Variants in NCALD observed in about 807,000 individuals in gnomAD.
NCALD encodes neurocalcin delta, also known as neurocalcin-delta.
In NCALD, 10 loss-of-function variants were observed where a neutral mutation model predicts 18.6. The ratio of observed to expected loss-of-function variants is 0.54; its 90% CI spans 0.33 to 0.91. The LOEUF (loss-of-function observed/expected upper bound fraction) is 0.91, where lower values mean the gene tolerates loss of function less well. NCALD is among the 40% of genes least tolerant of loss of function. The pLI, the probability that NCALD is intolerant of heterozygous loss-of-function variation, is 0.03. For missense variants in NCALD, 184 were observed against 247.6 expected, an observed-to-expected ratio of 0.74 and a Z score of 1.72; for synonymous variants, 88 against 87.4, an observed-to-expected ratio of 1.01 and a Z score of -0.04.
chr8:101,764,801 T>C (rs1811276400), intron 1 of NCALD, among the ~76,000 whole-genome samples: 1 of 152,208 alleles, frequency 6.6e-6, no homozygotes, highest in African/African-American at 2.4e-5. Context: ...AACATCTTTA[T>C]CTTTCATGCA....
chr8:101,933,257 G>C (rs1329446007), intron 2 of NCALD, among the ~76,000 whole-genome samples: 1 of 152,188 alleles, frequency 6.6e-6, no homozygotes, highest in Non-Finnish European at 1.5e-5. Flanking sequence ...TCTTGAGATG[G>C]AGAGATTATC....
intron 1 of NCALD, chr8:102,020,506 G>A (rs558607074): frequency 6.6e-6 from 1 of 152,148 alleles, no homozygotes; most frequent in Non-Finnish European, 1.5e-5. Flanking sequence ...TATAATATCT[G>A]CAGAATGCAA....
intron 4 of NCALD, among the ~76,000 whole-genome samples, chr8:101,855,647 A>G (rs148881874): frequency 1.3e-5 from 2 of 152,322 alleles, no homozygotes; most frequent in African/African-American, 4.8e-5. Context: ...ATCATCACAC[A>G]TCTTGACAGA....
At chr8:101,745,927 G>A (rs1186856464) in intron 1 of NCALD, 1 of 152,136 alleles carries the variant, frequency 6.6e-6, no homozygotes, top group Non-Finnish European at 1.5e-5. Context: ...TTGAATACAG[G>A]CACACCAGAC....
At chr8:101,759,567 G>C (rs1038907206) in intron 1 of NCALD, among the ~76,000 whole-genome samples, 1 of 152,186 alleles carries the variant, frequency 6.6e-6, no homozygotes, top group Non-Finnish European at 1.5e-5. Context: ...CCTGCCTGCT[G>C]TCAGGGCTAG....
chr8:101,973,438 G>T (rs1026413508), intron 2 of NCALD, among the ~76,000 whole-genome samples: 2 of 152,264 alleles, frequency 1.3e-5, no homozygotes, highest in Admixed American at 1.3e-4. Context: ...AGACTTCAGA[G>T]GCAAAGTGCC....
chr8:101,975,515 T>C (rs931340850), intron 2 of NCALD, among the ~76,000 whole-genome samples: 1 of 152,158 alleles, frequency 6.6e-6, no homozygotes, highest in Non-Finnish European at 1.5e-5. Flanking sequence ...CCTTGCTCTA[T>C]TGGAAAATGG....
chr8:101,793,681 G>A (rs1812532294), upstream of NCALD, among the ~76,000 whole-genome samples: 1 of 152,180 alleles, frequency 6.6e-6, no homozygotes, highest in African/African-American at 2.4e-5. Context: ...CTACACTGAA[G>A]AGAATATGTG....
chr8:101,886,037 G>A (rs745651429), intron 4 of NCALD, among the ~76,000 whole-genome samples: 2 of 152,186 alleles, frequency 1.3e-5, no homozygotes, highest in Middle Eastern at 3.4e-3. Flanking sequence ...TTGGCCTCCA[G>A]GAGAAATGCA....
At chr8:101,701,596 AAG>A (rs1309712453) in intron 2 of NCALD, among the ~76,000 whole-genome samples, 2 of 152,306 alleles carry the variant, frequency 1.3e-5, no homozygotes, top group Admixed American at 1.3e-4. Flanking sequence ...GGATGTTGGA[AAG>A]AGAGGACTCA....
intron 2 of NCALD, among the ~76,000 whole-genome samples, chr8:101,944,763 T>C (rs1054266634): frequency 6.6e-6 from 1 of 152,204 alleles, no homozygotes; most frequent in Non-Finnish European, 1.5e-5. Context: ...CTCCCATCCA[T>C]GGCCCTGTCC....
At chr8:101,810,130 T>C (rs1012622436) in intron 4 of NCALD, among the ~76,000 whole-genome samples, 1 of 152,186 alleles carries the variant, frequency 6.6e-6, no homozygotes, top group African/African-American at 2.4e-5. Flanking sequence ...GTGCAAAATG[T>C]TGGCACCAAG....
intron 4 of NCALD, among the ~76,000 whole-genome samples, chr8:101,850,238 A>G (rs372870224): frequency 2.0e-5 from 3 of 152,240 alleles, no homozygotes; most frequent in African/African-American, 7.2e-5. Context: ...CAGCTCTCTA[A>G]TATCCTGAAG....
At chr8:101,977,866 A>G (rs1820479223) in intron 2 of NCALD, among the ~76,000 whole-genome samples, 1 of 152,102 alleles carries the variant, frequency 6.6e-6, no homozygotes, top group Non-Finnish European at 1.5e-5. Flanking sequence ...ACTTACTTTC[A>G]TGAAGGCCCT....
At chr8:101,734,910 G>A (rs1184187335) in intron 1 of NCALD, among the ~76,000 whole-genome samples, 2 of 152,214 alleles carry the variant, frequency 1.3e-5, no homozygotes, top group Non-Finnish European at 2.9e-5. Context: ...TTGTGAGTTT[G>A]CTCTGAATGG....
At chr8:101,698,423 G>GA (rs1167192626) in intron 2 of NCALD, among the ~76,000 whole-genome samples, 2 of 151,184 alleles carry the variant, frequency 1.3e-5, no homozygotes, top group South Asian at 2.1e-4. Flanking sequence ...CATAGAACCA[G>GA]AAAAAAAAAT....
At chr8:101,940,805 C>A (rs1232902668) in intron 2 of NCALD, among the ~76,000 whole-genome samples, 1 of 152,176 alleles carries the variant, frequency 6.6e-6, no homozygotes, top group Admixed American at 6.5e-5. Context: ...TGAGTGGTTT[C>A]TAAGCTAAAG....
chr8:102,043,607 G>T (rs557749795), intron 1 of NCALD, among the ~76,000 whole-genome samples: 1 of 151,478 alleles, frequency 6.6e-6, no homozygotes, highest in African/African-American at 2.4e-5. Flanking sequence ...AATGTTAGGC[G>T]GTTAGTTAGG....
chr8:101,725,232 T>G (rs1215246497), intron 1 of NCALD, among the ~76,000 whole-genome samples: 1 of 152,194 alleles, frequency 6.6e-6, no homozygotes, highest in African/African-American at 2.4e-5. Context: ...AAACCCCAGA[T>G]CTCAGCTGGC....
Sources: allele counts gnomAD v4.1 joint callset (sites outside exome capture counted in the v4.1 genomes callset), GRCh38; gene constraint gnomAD v4.1.1; transcripts MANE v1.5; gene names NCBI Gene and HGNC (gene_info 2026-07-23, HGNC 2026-07-21).